The following XPO1 variants were observed in gnomAD, a reference collection of about 807,000 sequenced individuals.
XPO1 encodes the protein exportin-1.
A neutral mutation model predicts 133.3 loss-of-function variants in XPO1; 5 were observed. The observed-to-expected ratio is 0.04, with a 90% CI of 0.02 to 0.08. The LOEUF (loss-of-function observed/expected upper bound fraction) is 0.08, where lower values mean the gene tolerates loss of function less well. Among genes scored for constraint, XPO1 ranks in the 10% least tolerant of loss-of-function variants. The pLI, the probability that XPO1 is intolerant of heterozygous loss-of-function variation, is 1.00. For synonymous variants in XPO1, 419 were observed against 408.2 expected (o/e 1.03, Z -0.32); for missense variants, 506 against 1,267.5 (o/e 0.40, Z 9.12).
At chr2:61,483,802 G>T (rs975874511) in intron 21 of XPO1, 135 bp downstream of exon 21, 2 of 1,010,672 alleles carry the variant, frequency 2.0e-6, no homozygotes, top group Non-Finnish European at 2.9e-6. Context: ...ACTGCTTATA[G>T]GATTTTCTCA....
At position 61,499,724 on chromosome 2, in the gene XPO1, A is replaced by G. The variant is rs781607844; in HGVS notation, c.579T>C (p.His193=). The stretch of plus-strand genomic sequence containing the variant: ...TAATTATTACTTGCCTGTCTTTTAA[A>G]TGCTTAGATTTGACTTGGGTTATCT... ...SGQITQVKSK[H]LKDSMCNEFS... is the part of the protein sequence containing the mutation. Residue 193 remains histidine (H), a synonymous_variant, in exon 7 of 25, where the codon CAT becomes CAC. Transcript: ENST00000401558. The G allele has an allele frequency of 1.3e-6, 2 of 1,570,668 alleles. No individual in the cohort carries two copies. The highest frequency in any genetic ancestry group is 2.3e-5 in the East Asian group (1 of 43,888).
At chr2:61,515,809 C>A (rs1698345589) in intron 4 of XPO1, among the ~76,000 whole-genome samples, 1 of 151,724 alleles carries the variant, frequency 6.6e-6, no homozygotes, top group East Asian at 1.9e-4. Context: ...CCTGGCCGGG[C>A]ACGGTGGCTC....
intron 2 of XPO1, among the ~76,000 whole-genome samples, chr2:61,528,812 T>C (rs1340186861): frequency 6.7e-6 from 1 of 148,944 alleles, no homozygotes; most frequent in Non-Finnish European, 1.5e-5. Context: ...TTTTCATACA[T>C]TAATATTTTT....
At chr2:61,520,315 T>C (rs1049846490) in intron 4 of XPO1, among the ~76,000 whole-genome samples, 1 of 152,140 alleles carries the variant, frequency 6.6e-6, no homozygotes, top group African/African-American at 2.4e-5. Flanking sequence ...GTGAAATAAA[T>C]CTTTAGGTTA....
intron 24 of XPO1, among the ~76,000 whole-genome samples, chr2:61,479,865 T>A (rs1050886280): frequency 6.7e-6 from 1 of 148,294 alleles, no homozygotes; most frequent in Non-Finnish European, 1.5e-5. Flanking sequence ...ACCCAGACAC[T>A]TTTTTCTCTT....
chr2:61,512,832 G>A (rs1246334345), intron 4 of XPO1, among the ~76,000 whole-genome samples: 1 of 152,286 alleles, frequency 6.6e-6, no homozygotes, highest in Non-Finnish European at 1.5e-5. Context: ...CTTGAGGTCT[G>A]GAGTTCCAGA....
At chr2:61,500,895 A>G (rs951642161) in intron 6 of XPO1, among the ~76,000 whole-genome samples, 1 of 152,202 alleles carries the variant, frequency 6.6e-6, no homozygotes, top group Non-Finnish European at 1.5e-5. Context: ...TATTGGATGC[A>G]ATTTGAGCCT....
chr2:61,513,008 T>A (rs748803212), intron 4 of XPO1, among the ~76,000 whole-genome samples: 3 of 152,024 alleles, frequency 2.0e-5, no homozygotes, highest in Admixed American at 2.0e-4. Context: ...CAAATAAATA[T>A]ATAAACCTTG....
intron 4 of XPO1, among the ~76,000 whole-genome samples, chr2:61,515,552 C>T (rs1023150134): frequency 6.6e-6 from 1 of 152,182 alleles, no homozygotes; most frequent in Non-Finnish European, 1.5e-5. Flanking sequence ...CTTACTCATA[C>T]TCAGCATATG....
rs1699315190 is a variant in XPO1 at position 61,535,387 on chromosome 2, GAACT to G, written c.-6-1488_-6-1485del. 2.6e-5 allele frequency among the ~76,000 whole-genome samples: 4 copies of G among 151,906 alleles called. No homozygotes were observed. The South Asian group carries it at 8.3e-4, about 32-fold the overall frequency. ...TGGCACTCCCAGTTTAGTGTATTTA[GAACT>G]AACAAGGTCAGATCTCCACTTCTTC... On this transcript the variant is annotated intron_variant, in intron 1 of 24. Coordinates refer to ENST00000401558, the MANE Select transcript of XPO1 (RefSeq NM_003400.4).
chr2:61,536,720 C>T (rs535711673), intron 1 of XPO1: 1 of 152,434 alleles, frequency 6.6e-6, no homozygotes, highest in African/African-American at 2.4e-5. Flanking sequence ...CCCGCCCTTA[C>T]TCGGAGGAGG....
intron 1 of XPO1, among the ~76,000 whole-genome samples, 195 bp downstream of exon 1, chr2:61,537,366 GC>G (rs1285014193): frequency 2.0e-5 from 3 of 150,038 alleles, no homozygotes; most frequent in Non-Finnish European, 4.5e-5. Flanking sequence ...CCGCCTCCCC[GC>G]CTCCATCCCC....
At chr2:61,513,659 T>A (rs1347576048) in intron 4 of XPO1, among the ~76,000 whole-genome samples, 1 of 151,986 alleles carries the variant, frequency 6.6e-6, no homozygotes. Context: ...GACCTTTGCA[T>A]GACAAAGATT....
At chr2:61,534,502 G>A (rs9989864) in intron 1 of XPO1, 91,431 of 151,990 alleles carry the variant, frequency 0.6, 27,594 homozygotes, top group Middle Eastern at 0.7. Flanking sequence ...GGCCAACATG[G>A]CAAAACCCCG....
At chr2:61,504,747 T>C (rs1697711838) in intron 4 of XPO1, among the ~76,000 whole-genome samples, 1 of 152,214 alleles carries the variant, frequency 6.6e-6, no homozygotes, top group Non-Finnish European at 1.5e-5. Context: ...ATGTATTAAA[T>C]TCACTTTCAA....
At chr2:61,512,360 G>A (rs1435766770) in intron 4 of XPO1, among the ~76,000 whole-genome samples, 1 of 152,078 alleles carries the variant, frequency 6.6e-6, no homozygotes, top group Non-Finnish European at 1.5e-5. Flanking sequence ...TAGGAAATAG[G>A]GTTTCTGCTC....
chr2:61,493,699 G>C, intron 12 of XPO1, 195 bp downstream of exon 12: 1 of 585,686 alleles, frequency 1.7e-6, no homozygotes, highest in East Asian at 3.0e-5. Context: ...TGTTGATACT[G>C]AGAGAAGGAC....
rs200566050 is a variant in XPO1, at chr2:61,518,417, A to AACACACAC, written c.301+4186_301+4193dup. On this transcript the variant is annotated intron_variant, in intron 4 of 24. Coordinates refer to ENST00000401558, the MANE Select transcript of XPO1 (RefSeq NM_003400.4). ...AAAAAAAACAAAAAACAAAAAACAA[A>AACACACAC]ACACACACACACACACACACACACA... 3.8e-3 allele frequency among the ~76,000 whole-genome samples: 478 copies of AACACACAC among 124,480 alleles called. 6 individuals carry two copies. The highest frequency in any genetic ancestry group is 0.011 in the Middle Eastern group (3 of 266). 81.7% of individuals were successfully genotyped at this position (124,480 alleles called of 152,430 possible).
At chr2:61,531,326 T>C (rs1401732229) in intron 2 of XPO1, among the ~76,000 whole-genome samples, 1 of 152,268 alleles carries the variant, frequency 6.6e-6, no homozygotes, top group Non-Finnish European at 1.5e-5. Context: ...AAAATCCTTT[T>C]ACTTTGGGAA....
Sources: allele counts gnomAD v4.1 joint callset (sites outside exome capture counted in the v4.1 genomes callset), GRCh38; gene constraint gnomAD v4.1.1; transcripts MANE v1.5; gene names NCBI Gene and HGNC (gene_info 2026-07-23, HGNC 2026-07-21).